REG4: variants seen among roughly 807,000 people sequenced by gnomAD.
REG4 encodes the protein regenerating islet-derived protein 4.
REG4 carries 16 observed loss-of-function variants against 22.3 expected under a neutral mutation model. The ratio of observed to expected loss-of-function variants is 0.72; its 90% CI spans 0.49 to 1.09. The LOEUF is 1.09. REG4 is among the 50% of genes least tolerant of loss of function. The probability of loss-of-function intolerance (pLI) is 0.00; values close to 1 mark genes in which losing one functional copy is unlikely to be tolerated. For missense variants in REG4, 214 were observed against 193.9 expected (o/e 1.10, Z -0.61); for synonymous variants, 71 against 69.2 (o/e 1.03, Z -0.13).
intron 3 of REG4, among the ~76,000 whole-genome samples, chr1:119,800,535 A>C (rs1654069305): frequency 6.6e-6 from 1 of 152,166 alleles, no homozygotes; most frequent in Admixed American, 6.5e-5. Context: ...GGATGGGGAG[A>C]GAGAGGATCA....
chr1:119,799,699 G>T (rs1654040087), intron 4 of REG4, 26 bp downstream of exon 4: 2 of 1,606,718 alleles, frequency 1.2e-6, no homozygotes, highest in African/African-American at 2.7e-5. Flanking sequence ...TCCCAAGAGG[G>T]CCTTTGTGGC....
intron 2 of REG4, among the ~76,000 whole-genome samples, chr1:119,804,749 A>C (rs998237153): frequency 3.3e-5 from 5 of 151,750 alleles, no homozygotes; most frequent in Admixed American, 2.6e-4. Flanking sequence ...CTGTCTTTGC[A>C]CTCTGTCTAC....
At chr1:119,809,670 T>G (rs587718577) in intron 1 of REG4, among the ~76,000 whole-genome samples, 7 of 152,210 alleles carry the variant, frequency 4.6e-5, no homozygotes, top group Non-Finnish European at 1.5e-5. Flanking sequence ...ATAACTTTCA[T>G]GCATTTTTTA....
intron 2 of REG4, 84 bp downstream of exon 2, chr1:119,808,619 T>C: frequency 1.0e-6 from 1 of 978,198 alleles, no homozygotes; most frequent in Admixed American, 2.1e-5. Flanking sequence ...CCTAAATGTT[T>C]TTGTGGGCAA....
At chr1:119,799,207 A>C (rs1249018440) in intron 4 of REG4, among the ~76,000 whole-genome samples, 1 of 152,180 alleles carries the variant, frequency 6.6e-6, no homozygotes, top group Non-Finnish European at 1.5e-5. Context: ...CTCATCAACC[A>C]GCTGTTCCTT....
intron 5 of REG4, among the ~76,000 whole-genome samples, chr1:119,797,577 T>TCAG (rs1280308095): frequency 1.3e-5 from 2 of 152,120 alleles, no homozygotes; most frequent in Non-Finnish European, 2.9e-5. Context: ...TGGCAGGGGG[T>TCAG]CCTGGTGTCA....
At chr1:119,796,564 T>TA (rs145060774) in intron 5 of REG4, among the ~76,000 whole-genome samples, 17 of 152,020 alleles carry the variant, frequency 1.1e-4, no homozygotes, top group East Asian at 7.7e-4. Context: ...CATTTTGAAT[T>TA]AAAAAAAATA....
chr1:119,794,845 G>A (rs1372933290), intron 5 of REG4, among the ~76,000 whole-genome samples, 160 bp from the exon 6 acceptor site: 5 of 152,156 alleles, frequency 3.3e-5, no homozygotes, highest in Non-Finnish European at 5.9e-5. Context: ...TGATTGCTGC[G>A]AAGGTGTTTT....
Position 119,811,450 on chromosome 1 carries a change from G to GTGGACCC in REG4, c.-137_-136insGGGTCCA, listed in dbSNP as rs1440312309. ...ACTCTAAGGGCCCCTGCCTTCTTCA[G>GTGGACCC]TGTCTCCAGTGGTCCCAGTCAACGT... On this transcript the variant is annotated 5_prime_UTR_variant, in exon 1 of 6. Transcript: ENST00000256585. 2.0e-5 allele frequency: 3 copies of GTGGACCC among 152,238 alleles called. No homozygotes were observed. The highest frequency in any genetic ancestry group is 7.2e-5 in the African/African-American group (3 of 41,438). The allele number at this position is 152,238 out of a possible 1,614,324, so 9.4% of individuals were successfully genotyped here. A position where few individuals can be genotyped will look rare whatever the true frequency, so the allele number is the denominator to read the frequency against.
chr1:119,807,611 C>T (rs587731528), intron 2 of REG4, among the ~76,000 whole-genome samples: 1 of 150,356 alleles, frequency 6.7e-6, no homozygotes, highest in South Asian at 2.1e-4. Flanking sequence ...GGCTCAAGAG[C>T]AGCCCCCCAG....
At chr1:119,798,232 G>T (rs73000454) in intron 5 of REG4, among the ~76,000 whole-genome samples, 4,674 of 151,822 alleles carry the variant, frequency 0.031, 177 homozygotes, top group East Asian at 0.096. Context: ...GTGTATTTCA[G>T]AAAAAAAATG....
At chr1:119,795,173 A>G (rs1404479184) in intron 5 of REG4, among the ~76,000 whole-genome samples, 2 of 152,222 alleles carry the variant, frequency 1.3e-5, no homozygotes, top group African/African-American at 2.4e-5. Flanking sequence ...GGAGAACCGT[A>G]ATACAGATAC....
chr1:119,802,682 GT>G, intron 3 of REG4: 2 of 1,408,228 alleles, frequency 1.4e-6, no homozygotes, highest in South Asian at 3.4e-5. Flanking sequence ...CTCCAGGCAT[GT>G]CTACACACCA....
In REG4 at chr1:119,798,504, G is replaced by A; in HGVS notation, c.402C>T (p.Ser134=). The change falls in exon 5 of 6, where the codon TCC becomes TCT. Residue 134 remains serine, a synonymous_variant. Coordinates refer to ENST00000256585, the MANE Select transcript of REG4 (RefSeq NM_032044.4). ...TGGTGCATTATAACTTACTGTTATTGGAGCTCATCTCAGCACAGTGCTTGT... is the reference window on the plus strand; with the variant it reads ...TGGTGCATTATAACTTACTGTTATTAGAGCTCATCTCAGCACAGTGCTTGT... ...GGNKHCAEMS[S]NNNFLTWSSN... is the part of the protein sequence containing the mutation. 5.0e-6 allele frequency: 8 copies of A among 1,612,846 alleles called. No individual in the cohort carries two copies. The highest frequency in any genetic ancestry group is 6.8e-6 in the Non-Finnish European group (8 of 1,178,812).
At position 119,798,590 on chromosome 1, in the gene REG4, G is replaced by T; in HGVS notation, c.316C>A (p.Gln106Lys). Residue 106 changes from glutamine (Q) to lysine (K), a missense_variant, in exon 5 of 6, where the codon CAG becomes AAG. Physicochemically the swap from Gln to Lys is moderately conservative, Grantham distance 53. Coordinates refer to ENST00000256585, the MANE Select transcript of REG4 (RefSeq NM_032044.4). ...LHDPQKRQQW[Q>K]WIDGAMYLYR... ...AGATACATGGCCCCATCAATCCACT[G>T]CCACTGCTGCCTCTGCAACAACAGG... 6.2e-7 allele frequency: 1 copy of T among 1,614,090 alleles called. No homozygotes were observed. Among genetic ancestry groups the T allele is most frequent in the Non-Finnish European group, 8.5e-7 (1 of 1,179,916 alleles).
intron 4 of REG4, 145 bp downstream of exon 4, chr1:119,799,580 G>A: frequency 9.8e-7 from 1 of 1,019,820 alleles, no homozygotes. Context: ...CCCTGACCTT[G>A]AGACTTTGGT....
At position 119,794,207 on chromosome 1, in the gene REG4, G is replaced by A. The variant is rs587613493; in HGVS notation, c.*411C>T. The A allele has an allele frequency of 1.9e-6, 1 of 537,538 alleles. No individual in the cohort carries two copies. The highest frequency in any genetic ancestry group is 3.8e-6 in the Non-Finnish European group (1 of 262,854). The allele number at this position is 537,538 out of a possible 1,614,324, so 33.3% of individuals were successfully genotyped here. A position where few individuals can be genotyped will look rare whatever the true frequency, so the allele number is the denominator to read the frequency against. ...GCAGGAGTTGAGTGGCTGGGGTGGG[G>A]TGCAGGCAATGGAGAGAGGGCAGAA... is the stretch of plus-strand genomic sequence containing the variant. On this transcript the variant is annotated 3_prime_UTR_variant, in exon 6 of 6. Coordinates refer to ENST00000256585, the MANE Select transcript of REG4 (RefSeq NM_032044.4).
chr1:119,799,177 T>C (rs587774622), intron 4 of REG4, among the ~76,000 whole-genome samples: 21 of 152,104 alleles, frequency 1.4e-4, no homozygotes, highest in Non-Finnish European at 2.5e-4. Flanking sequence ...ATCTGTGAAC[T>C]GAAGACCCCA....
At chr1:119,808,312 G>A (rs1022925520) in intron 2 of REG4, among the ~76,000 whole-genome samples, 1 of 152,170 alleles carries the variant, frequency 6.6e-6, no homozygotes, top group African/African-American at 2.4e-5. Flanking sequence ...TAGGTACCTT[G>A]CAAACTGGAA....
Sources: gnomAD v4.1 joint callset for allele counts (sites outside exome capture counted in the v4.1 genomes callset) on GRCh38, gnomAD v4.1.1 for gene constraint, MANE v1.5 for transcripts, NCBI Gene and HGNC (gene_info 2026-07-23, HGNC 2026-07-21) for gene names.